MAGI2: variants seen among roughly 807,000 people sequenced by gnomAD.
MAGI2 encodes membrane-associated guanylate kinase, WW and PDZ domain-containing protein 2.
MAGI2 carries 35 observed loss-of-function variants against 133.3 expected under a neutral mutation model. The ratio of observed to expected loss-of-function variants is 0.26; its 90% CI spans 0.20 to 0.35. The LOEUF (loss-of-function observed/expected upper bound fraction) is 0.35, where lower values mean the gene tolerates loss of function less well. Ranked by LOEUF, MAGI2 falls within the 10% of genes least tolerant of loss-of-function variation. The pLI is 1.00. For missense variants in MAGI2, 1,636 were observed against 1,863.4 expected (o/e 0.88, Z 2.25); for synonymous variants, 729 against 710.6 (o/e 1.03, Z -0.41).
At chr7:79,308,893 A>G (rs79490122) in intron 1 of MAGI2, among the ~76,000 whole-genome samples, 4,803 of 152,282 alleles carry the variant, frequency 0.032, 106 homozygotes, top group African/African-American at 0.051. Flanking sequence ...TAGAATATTT[A>G]TGAGAATTTC....
At chr7:79,025,459 T>G (rs2116738275) in intron 1 of MAGI2, among the ~76,000 whole-genome samples, 1 of 152,258 alleles carries the variant, frequency 6.6e-6, no homozygotes, top group South Asian at 2.1e-4. Flanking sequence ...GACATGCAAT[T>G]TACCTATATA....
chr7:78,206,139 T>C (rs1268762341), intron 10 of MAGI2, among the ~76,000 whole-genome samples: 2 of 152,202 alleles, frequency 1.3e-5, no homozygotes, highest in Non-Finnish European at 2.9e-5. Flanking sequence ...AGTTTTATTA[T>C]TATTTATTTT....
intron 18 of MAGI2, among the ~76,000 whole-genome samples, chr7:78,131,905 A>T (rs1379135142): frequency 6.6e-6 from 1 of 152,082 alleles, no homozygotes; most frequent in Non-Finnish European, 1.5e-5. Flanking sequence ...ACAGAGTCTC[A>T]CTCTGTCATC....
intron 2 of MAGI2, among the ~76,000 whole-genome samples, chr7:78,951,463 AAGG>A (rs1301272922): frequency 6.6e-6 from 1 of 152,120 alleles, no homozygotes; most frequent in Non-Finnish European, 1.5e-5. Flanking sequence ...AGGTGGCAGA[AAGG>A]AGAAGTGCCA....
intron 1 of MAGI2, among the ~76,000 whole-genome samples, chr7:79,107,136 C>A (rs974502782): frequency 6.6e-6 from 1 of 152,120 alleles, no homozygotes; most frequent in African/African-American, 2.4e-5. Flanking sequence ...CTCAAATATC[C>A]AGGTGGGCCC....
At chr7:79,397,226 G>T (rs373097584) in intron 1 of MAGI2, among the ~76,000 whole-genome samples, 3 of 149,634 alleles carry the variant, frequency 2.0e-5, no homozygotes, top group South Asian at 2.1e-4. Context: ...GTATATATGC[G>T]TGTGTATATT....
chr7:78,741,173 T>C (rs985305226), intron 2 of MAGI2, among the ~76,000 whole-genome samples: 1 of 152,046 alleles, frequency 6.6e-6, no homozygotes, highest in Non-Finnish European at 1.5e-5. Flanking sequence ...GTAAGAGCTA[T>C]AGGAATTCTC....
chr7:78,995,967 A>G (rs1806248720), intron 2 of MAGI2, among the ~76,000 whole-genome samples: 1 of 152,168 alleles, frequency 6.6e-6, no homozygotes, highest in Non-Finnish European at 1.5e-5. Flanking sequence ...ACCTTATGGG[A>G]ACACTATGAG....
At chr7:78,613,819 T>C (rs764007643) in intron 3 of MAGI2, among the ~76,000 whole-genome samples, 10 of 152,126 alleles carry the variant, frequency 6.6e-5, no homozygotes, top group Non-Finnish European at 1.0e-4. Context: ...AAGACGAATA[T>C]ATACAGAGGC....
At chr7:78,394,512 G>A (rs1796171499) in intron 6 of MAGI2, among the ~76,000 whole-genome samples, 1 of 152,034 alleles carries the variant, frequency 6.6e-6, no homozygotes, top group Non-Finnish European at 1.5e-5. Flanking sequence ...CATGTTGTTT[G>A]CTCTGCTTGG....
intron 1 of MAGI2, among the ~76,000 whole-genome samples, chr7:79,447,611 T>C (rs183823021): frequency 5.9e-5 from 9 of 152,114 alleles, no homozygotes; most frequent in East Asian, 5.8e-4. Flanking sequence ...GACTTACTTA[T>C]ATTGCATTTC....
chr7:78,591,773 T>A (rs1804028002), intron 3 of MAGI2, among the ~76,000 whole-genome samples: 1 of 152,168 alleles, frequency 6.6e-6, no homozygotes, highest in African/African-American at 2.4e-5. Flanking sequence ...CATTCCCAAA[T>A]GTAAATAGGC....
intron 1 of MAGI2, among the ~76,000 whole-genome samples, chr7:79,292,770 C>CTAAAAAAAAA (rs1836599073): frequency 1.7e-5 from 1 of 57,396 alleles, no homozygotes; most frequent in Non-Finnish European, 3.2e-5. Flanking sequence ...TCAATTTCTG[C>CTAAAAAAAAA]AAAAAAAAAA....
chr7:78,764,120 C>T (rs1318916720), intron 2 of MAGI2, among the ~76,000 whole-genome samples: 1 of 152,144 alleles, frequency 6.6e-6, no homozygotes, highest in African/African-American at 2.4e-5. Context: ...CTTAAGGTTT[C>T]TAAAAAGTGT....
At chr7:79,419,981 G>A (rs1015849239) in intron 1 of MAGI2, among the ~76,000 whole-genome samples, 1 of 151,978 alleles carries the variant, frequency 6.6e-6, no homozygotes, top group Non-Finnish European at 1.5e-5. Context: ...GCCCATATTG[G>A]CCCACAAGGG....
At chr7:78,992,260 T>C (rs1805862884) in intron 2 of MAGI2, among the ~76,000 whole-genome samples, 1 of 151,998 alleles carries the variant, frequency 6.6e-6, no homozygotes, top group Non-Finnish European at 1.5e-5. Context: ...ATATATACCT[T>C]ACTTGGATTT....
At chr7:78,933,413 G>A (rs1327648682) in intron 2 of MAGI2, among the ~76,000 whole-genome samples, 3 of 152,144 alleles carry the variant, frequency 2.0e-5, no homozygotes, top group Admixed American at 6.6e-5. Context: ...CATATAAACT[G>A]TTGCTAATGC....
At chr7:78,491,871 T>TTGTGTGTG (rs10598552) in intron 5 of MAGI2, among the ~76,000 whole-genome samples, 150 of 141,198 alleles carry the variant, frequency 1.1e-3, no homozygotes, top group South Asian at 4.5e-3. Context: ...TCCGTTCAAA[T>TTGTGTGTG]TGTGTGTGTG....
intron 2 of MAGI2, among the ~76,000 whole-genome samples, chr7:78,748,158 T>TA (rs11301409): frequency 0.28 from 41,644 of 149,278 alleles, 6,092 homozygotes; most frequent in South Asian, 0.48. Flanking sequence ...CTTGAGGATT[T>TA]AAAAAAAAAA....
Sources: allele counts gnomAD v4.1 joint callset (sites outside exome capture counted in the v4.1 genomes callset), GRCh38; gene constraint gnomAD v4.1.1; transcripts MANE v1.5; gene names NCBI Gene and HGNC (gene_info 2026-07-23, HGNC 2026-07-21).